Variants in ANXA8 observed in about 807,000 individuals in gnomAD.
The protein encoded by ANXA8 is annexin A8.
ANXA8 carries 9 observed loss-of-function variants against 26.8 expected under a neutral mutation model. The ratio of observed to expected loss-of-function variants is 0.34; its 90% CI spans 0.20 to 0.59. ANXA8 has a LOEUF of 0.59. Ranked by LOEUF, ANXA8 falls within the 20% of genes least tolerant of loss-of-function variation. The pLI, the probability that ANXA8 is intolerant of heterozygous loss-of-function variation, is 0.84. For missense variants in ANXA8, 83 were observed against 238.5 expected, an observed-to-expected ratio of 0.35 and a Z score of 4.29; for synonymous variants, 39 against 94.8, an observed-to-expected ratio of 0.41 and a Z score of 3.42.
the ANXA8 span, among the ~76,000 whole-genome samples, chr10:47,572,615 G>T: frequency 6.7e-6 from 1 of 149,766 alleles, no homozygotes; most frequent in African/African-American, 2.5e-5. Flanking sequence ...TACTCAGGAG[G>T]CTAAGGGAGG....
chr10:47,650,497 G>A, the ANXA8 span, among the ~76,000 whole-genome samples: 6 of 151,812 alleles, frequency 4.0e-5, no homozygotes, highest in South Asian at 2.1e-4. Context: ...TAAGAAAAAA[G>A]CAAATAATCC....
the ANXA8 span, among the ~76,000 whole-genome samples, chr10:47,658,323 T>G: frequency 1.3e-5 from 2 of 151,212 alleles, no homozygotes; most frequent in East Asian, 3.9e-4. Context: ...GAGACGGAGG[T>G]TGCAGTGAGC....
At chr10:47,941,948 T>C in the ANXA8 span, among the ~76,000 whole-genome samples, 32 of 147,710 alleles carry the variant, frequency 2.2e-4, 3 homozygotes, top group Middle Eastern at 6.9e-3. Context: ...TAAGAAACAA[T>C]AGAATGTCCA....
At chr10:47,497,763 C>T in the ANXA8 span, among the ~76,000 whole-genome samples, 1 of 150,134 alleles carries the variant, frequency 6.7e-6, no homozygotes. Flanking sequence ...CATGGTGAAA[C>T]CCCGTCTCTA....
At chr10:47,950,563 A>T in the ANXA8 span, among the ~76,000 whole-genome samples, 2 of 150,280 alleles carry the variant, frequency 1.3e-5, no homozygotes, top group Non-Finnish European at 2.9e-5. Flanking sequence ...AACTTTCATT[A>T]TAATGGACCA....
the ANXA8 span, among the ~76,000 whole-genome samples, chr10:47,940,814 T>C: frequency 0.021 from 2,617 of 121,966 alleles, 55 homozygotes; most frequent in African/African-American, 0.091. Flanking sequence ...GGCGACAGAG[T>C]GAGATTCCAT....
the ANXA8 span, among the ~76,000 whole-genome samples, chr10:47,647,945 A>C: frequency 6.6e-6 from 1 of 151,908 alleles, no homozygotes; most frequent in Non-Finnish European, 1.5e-5. Flanking sequence ...GGACTTCCTC[A>C]GAAGCTTAGA....
chr10:47,578,010 AAAAAAAAAAG>A, the ANXA8 span, among the ~76,000 whole-genome samples: 1 of 49,972 alleles, frequency 2.0e-5, no homozygotes, highest in East Asian at 2.8e-4. Context: ...CCTCAAAAAA[AAAAAAAAAAG>A]AAAAAGAATG....
At chr10:47,892,370 GTTC>G in the ANXA8 span, among the ~76,000 whole-genome samples, 9 of 108,082 alleles carry the variant, frequency 8.3e-5, no homozygotes, top group Admixed American at 7.5e-4. Flanking sequence ...TCTTCAGGTT[GTTC>G]TTCTGCTTTT....
At chr10:47,514,197 G>T in the ANXA8 span, among the ~76,000 whole-genome samples, 3 of 146,444 alleles carry the variant, frequency 2.0e-5, no homozygotes, top group Non-Finnish European at 4.5e-5. Flanking sequence ...TATGGAACCA[G>T]CCCAAATGCC....
chr10:47,742,865 C>T, the ANXA8 span, among the ~76,000 whole-genome samples: 3 of 141,230 alleles, frequency 2.1e-5, no homozygotes, highest in African/African-American at 7.8e-5. Flanking sequence ...CTTATAAACT[C>T]AATGCAACCC....
chr10:47,665,348 A>T, the ANXA8 span, among the ~76,000 whole-genome samples: 1 of 150,734 alleles, frequency 6.6e-6, no homozygotes, highest in African/African-American at 2.5e-5. Context: ...GATTTCTAGG[A>T]GGAATGATTG....
chr10:47,675,692 A>G, the ANXA8 span, among the ~76,000 whole-genome samples: 1 of 151,688 alleles, frequency 6.6e-6, no homozygotes, highest in African/African-American at 2.4e-5. Context: ...TTTTATATAA[A>G]ATGTCTGGTG....
chr10:47,701,011 G>A, the ANXA8 span, among the ~76,000 whole-genome samples: 1 of 151,208 alleles, frequency 6.6e-6, no homozygotes, highest in African/African-American at 2.4e-5. Context: ...GAGCCCAGGA[G>A]GTCGAGGCTG....
At chr10:47,738,083 G>C in the ANXA8 span, among the ~76,000 whole-genome samples, 1 of 150,778 alleles carries the variant, frequency 6.6e-6, no homozygotes. Flanking sequence ...ATGGCCAACT[G>C]AGTTTTTCCC....
At chr10:47,694,744 A>G in the ANXA8 span, among the ~76,000 whole-genome samples, 1 of 151,842 alleles carries the variant, frequency 6.6e-6, no homozygotes, top group Non-Finnish European at 1.5e-5. Context: ...GAAGTAACAG[A>G]TGTATTCCAG....
chr10:47,959,759 G>C, the ANXA8 span, among the ~76,000 whole-genome samples: 2 of 149,906 alleles, frequency 1.3e-5, no homozygotes, highest in South Asian at 4.2e-4. Flanking sequence ...TTGAGAGGTG[G>C]GGTCTCTGTC....
At chr10:47,501,440 T>C in the ANXA8 span, among the ~76,000 whole-genome samples, 3 of 138,894 alleles carry the variant, frequency 2.2e-5, 1 homozygote, top group East Asian at 9.5e-4. Flanking sequence ...CCTGGTACGG[T>C]GGCTCACCCC....
the ANXA8 span, among the ~76,000 whole-genome samples, chr10:47,718,047 A>C: frequency 4.0e-5 from 6 of 150,416 alleles, no homozygotes; most frequent in Admixed American, 6.6e-5. Context: ...GGAGGAGAGC[A>C]AGGGTTGAAA....
Sources: allele counts gnomAD v4.1 joint callset (sites outside exome capture counted in the v4.1 genomes callset), GRCh38; gene constraint gnomAD v4.1.1; transcripts MANE v1.5; gene names NCBI Gene and HGNC (gene_info 2026-07-23, HGNC 2026-07-21).